ADAMTS6: variants seen among roughly 807,000 people sequenced by gnomAD.
The protein encoded by ADAMTS6 is A disintegrin and metalloproteinase with thrombospondin motifs 6.
A neutral mutation model predicts 144.3 loss-of-function variants in ADAMTS6; 23 were observed. That is an observed-to-expected ratio of 0.16 (90% CI 0.11 to 0.23). The LOEUF is 0.23. Among genes scored for constraint, ADAMTS6 ranks in the 10% least tolerant of loss-of-function variants. The pLI, the probability that ADAMTS6 is intolerant of heterozygous loss-of-function variation, is 1.00. For synonymous variants in ADAMTS6, 444 were observed against 457.5 expected, an observed-to-expected ratio of 0.97 and a Z score of 0.38; for missense variants, 999 against 1,379.6, an observed-to-expected ratio of 0.72 and a Z score of 4.37.
At chr5:65,418,401 C>T (rs1344701267) in intron 7 of ADAMTS6, among the ~76,000 whole-genome samples, 1 of 149,952 alleles carries the variant, frequency 6.7e-6, no homozygotes, top group Non-Finnish European at 1.5e-5. Context: ...TTCAAACAAA[C>T]AGCAAAAAAA....
intron 3 of ADAMTS6, among the ~76,000 whole-genome samples, chr5:65,468,802 A>G (rs1204445095): frequency 7.9e-5 from 12 of 152,350 alleles, no homozygotes; most frequent in African/African-American, 2.9e-4. Flanking sequence ...CATGTTGCAC[A>G]ATTTCATAAA....
chr5:65,210,245 G>A lies in ADAMTS6; in HGVS notation c.2575+4549C>T, dbSNP rs936263662. On this transcript the variant is annotated intron_variant, in intron 20 of 24. Coordinates refer to ENST00000381055, the MANE Select transcript of ADAMTS6 (RefSeq NM_197941.4). ...AGACGGGCGGATCACGAGGTCAGGA[G>A]ATCGAGACCATCCTGGCTAACACGG... 7 of 160,596 alleles carry A rather than the reference G, an allele frequency of 4.4e-5. No homozygotes were observed. The South Asian group carries it at 6.3e-4, about 15-fold the overall frequency. The allele number at this position is 160,596 out of a possible 1,614,324, so 9.9% of individuals were successfully genotyped here.
intron 20 of ADAMTS6, 41 bp from the exon 21 acceptor site, chr5:65,197,192 C>T: frequency 6.2e-7 from 1 of 1,606,112 alleles, no homozygotes. Flanking sequence ...GAGAAGTTTA[C>T]CTTCCATTAA....
At chr5:65,324,715 T>C (rs1417422486) in intron 9 of ADAMTS6, among the ~76,000 whole-genome samples, 4 of 151,962 alleles carry the variant, frequency 2.6e-5, no homozygotes, top group Non-Finnish European at 5.9e-5. Context: ...TTTTTTAAAG[T>C]GGGAAAAGGA....
intron 7 of ADAMTS6, among the ~76,000 whole-genome samples, chr5:65,350,450 C>T (rs543799954): frequency 2.6e-5 from 4 of 152,274 alleles, no homozygotes; most frequent in East Asian, 3.9e-4. Flanking sequence ...AACTTTTCCA[C>T]GTCCTTCTTT....
In ADAMTS6 at chr5:65,216,032, G is replaced by C. The variant is rs542386497; in HGVS notation, c.2273-545C>G. ...ACTATTCTTTTGGCAAAAAAATGCT[G>C]AATTTATATTTCTTTCTTTATATAA... On this transcript the variant is annotated intron_variant, in intron 18 of 24. Coordinates refer to ENST00000381055, the MANE Select transcript of ADAMTS6 (RefSeq NM_197941.4). Among the ~76,000 whole-genome samples, 24 of 152,198 alleles carry C rather than the reference G, an allele frequency of 1.6e-4. No homozygotes were observed. In the East Asian group the frequency reaches 4.4e-3, roughly 28 times the overall value.
In ADAMTS6 at chr5:65,344,494, T is replaced by C. The variant is rs1748135953; in HGVS notation, c.1074-10409A>G. Among the ~76,000 whole-genome samples the C allele has an allele frequency of 2.0e-5, 3 of 151,922 alleles. No individual in the cohort carries two copies. The South Asian group carries it at 6.2e-4, about 31-fold the overall frequency. On this transcript the variant is annotated intron_variant, in intron 7 of 24. Transcript: ENST00000381055. ...AGTCAGGAAAGATATATGGATATCA[T>C]TTTAATGGCTTTATCATATTTTACC...
intron 3 of ADAMTS6, 44 bp downstream of exon 3, chr5:65,470,731 AATT>A (rs34345975): frequency 0.12 from 177,765 of 1,490,132 alleles, 17,680 homozygotes; most frequent in African/African-American, 0.54. Context: ...TACATTGCAA[AATT>A]CTTATTTTCC....
intron 20 of ADAMTS6, among the ~76,000 whole-genome samples, chr5:65,200,674 T>C (rs1429969918): frequency 6.6e-6 from 1 of 152,168 alleles, no homozygotes; most frequent in Non-Finnish European, 1.5e-5. Flanking sequence ...ACTAATTGTA[T>C]TTTATTCTTA....
At chr5:65,463,002 C>A (rs561095988) in intron 3 of ADAMTS6, among the ~76,000 whole-genome samples, 2 of 151,590 alleles carry the variant, frequency 1.3e-5, no homozygotes, top group Admixed American at 1.3e-4. Flanking sequence ...ATCACTCGAA[C>A]CTGGGAGGCG....
At chr5:65,324,884 A>G (rs1746015872) in intron 9 of ADAMTS6, among the ~76,000 whole-genome samples, 2 of 152,222 alleles carry the variant, frequency 1.3e-5, no homozygotes, top group Non-Finnish European at 2.9e-5. Flanking sequence ...ACAGATGTGC[A>G]TAATAGTTCT....
At chr5:65,362,286 C>T (rs1749903044) in intron 7 of ADAMTS6, among the ~76,000 whole-genome samples, 2 of 152,154 alleles carry the variant, frequency 1.3e-5, no homozygotes, top group African/African-American at 4.8e-5. Flanking sequence ...GCTATATATA[C>T]CATTTGGCAA....
intron 7 of ADAMTS6, among the ~76,000 whole-genome samples, chr5:65,388,933 C>T (rs1318759453): frequency 2.0e-5 from 3 of 152,140 alleles, no homozygotes; most frequent in East Asian, 3.9e-4. Flanking sequence ...CCAGGCCGGG[C>T]GCAGTGGCTC....
At chr5:65,163,731 G>A (rs1752933893) in intron 24 of ADAMTS6, among the ~76,000 whole-genome samples, 1 of 152,056 alleles carries the variant, frequency 6.6e-6, no homozygotes, top group East Asian at 1.9e-4. Flanking sequence ...ATTTAAATTT[G>A]CGGCTTCAGG....
chr5:65,273,471 T>C (rs2112657690), intron 11 of ADAMTS6, 24 bp from the exon 12 acceptor site: 2 of 1,584,710 alleles, frequency 1.3e-6, no homozygotes, highest in East Asian at 4.5e-5. Context: ...CAAAAGCAAG[T>C]TGATCAGAAA....
chr5:65,409,069 C>T (rs1286787091), intron 7 of ADAMTS6, among the ~76,000 whole-genome samples: 1 of 152,076 alleles, frequency 6.6e-6, no homozygotes, highest in African/African-American at 2.4e-5. Context: ...AATGGACACC[C>T]TAACATCACG....
intron 7 of ADAMTS6, among the ~76,000 whole-genome samples, chr5:65,387,075 G>A (rs1355897053): frequency 1.3e-5 from 2 of 152,160 alleles, no homozygotes; most frequent in Non-Finnish European, 2.9e-5. Context: ...ATTATCTCAT[G>A]TTGGCCTTCT....
intron 7 of ADAMTS6, among the ~76,000 whole-genome samples, chr5:65,391,272 A>C (rs1752888538): frequency 6.6e-6 from 1 of 152,316 alleles, no homozygotes; most frequent in African/African-American, 2.4e-5. Flanking sequence ...GTTCCTTAAA[A>C]AAACTTATTG....
intron 13 of ADAMTS6, among the ~76,000 whole-genome samples, chr5:65,262,335 G>A (rs771705164): frequency 6.6e-6 from 1 of 152,150 alleles, no homozygotes; most frequent in Non-Finnish European, 1.5e-5. Flanking sequence ...TTAACACATG[G>A]GCAGTATTCT....
Sources: gnomAD v4.1 joint callset for allele counts (sites outside exome capture counted in the v4.1 genomes callset) on GRCh38, gnomAD v4.1.1 for gene constraint, MANE v1.5 for transcripts, NCBI Gene and HGNC (gene_info 2026-07-23, HGNC 2026-07-21) for gene names.